The following COG6 variants were observed in gnomAD, a reference collection of about 807,000 sequenced individuals.
COG6 encodes the protein component of oligomeric golgi complex 6.
In COG6, 74 loss-of-function variants were observed where a neutral mutation model predicts 88.8. That is an observed-to-expected ratio of 0.83 (90% CI 0.69 to 1.01). The LOEUF is 1.01. Among genes scored for constraint, COG6 ranks in the 50% least tolerant of loss-of-function variants. The pLI is 0.00. For synonymous variants in COG6, 286 were observed against 278.7 expected (o/e 1.03, Z -0.26); for missense variants, 800 against 797.9 (o/e 1.00, Z -0.03).
At chr13:39,713,764 G>A (rs1032577230) in intron 13 of COG6, among the ~76,000 whole-genome samples, 1 of 151,970 alleles carries the variant, frequency 6.6e-6, no homozygotes, top group African/African-American at 2.4e-5. Flanking sequence ...ATATAGACTT[G>A]TCTCTTACAA....
chr13:39,781,860 A>G (rs887481579), intron 18 of COG6, among the ~76,000 whole-genome samples: 2 of 152,236 alleles, frequency 1.3e-5, no homozygotes, highest in Non-Finnish European at 2.9e-5. Flanking sequence ...GAAATAATCT[A>G]ACAAATGATT....
At chr13:39,760,877 T>A (rs1195446398) in intron 18 of COG6, among the ~76,000 whole-genome samples, 1 of 152,078 alleles carries the variant, frequency 6.6e-6, no homozygotes, top group Non-Finnish European at 1.5e-5. Flanking sequence ...TATTCATTCC[T>A]GCACCAACAA....
rs201922229 is a variant in COG6, at chr13:39,689,771, A to T, written c.1021A>T (p.Asn341Tyr). Residue 341 changes from asparagine to tyrosine, a missense_variant, in exon 11 of 19, where the codon AAT (asparagine) becomes TAT (tyrosine). Transcript: ENST00000455146. ...GTCATTAATTTTAGGTGTTGAAGAA[A>T]ATATTCAAGAAGTTGTTGGGCATAT... ...KHVTTQGVEE[N>Y]IQEVVGHITE... 1.9e-5 allele frequency: 30 copies of T among 1,608,238 alleles called. No homozygotes were observed. The African/African-American group carries it at 3.7e-4, about 20-fold the overall frequency.
intron 18 of COG6, among the ~76,000 whole-genome samples, chr13:39,740,096 A>G (rs1294110522): frequency 6.6e-6 from 1 of 152,220 alleles, no homozygotes; most frequent in Non-Finnish European, 1.5e-5. Flanking sequence ...TGAAAATTCT[A>G]AAAGATCTGA....
At position 39,655,794 on chromosome 13, in the gene COG6, G is replaced by T; in HGVS notation, c.68G>T (p.Gly23Val). ...ATGAANGLNN[G>V]AGGTSATTCN... is the part of the protein sequence containing the mutation. ...GGGGCTGCCAACGGCCTCAACAATG[G>T]GGCAGGCGGGACCTCGGCGACGACC... Residue 23 changes from glycine to valine, a missense_variant, in exon 1 of 19, where the codon GGG becomes GTG. Gly to Val is a moderately radical substitution (Grantham distance 109). Transcript: ENST00000455146. The T allele has an allele frequency of 6.3e-7, 1 of 1,598,422 alleles. No individual in the cohort carries two copies. The highest frequency in any genetic ancestry group is 1.1e-5 in the South Asian group (1 of 88,858).
intron 18 of COG6, among the ~76,000 whole-genome samples, chr13:39,743,834 C>T (rs1880185825): frequency 6.6e-6 from 1 of 152,102 alleles, no homozygotes; most frequent in Non-Finnish European, 1.5e-5. Context: ...CCCTGATGAA[C>T]ATCGATGCAA....
chr13:39,747,888 A>G (rs1481048160), intron 18 of COG6, among the ~76,000 whole-genome samples: 1 of 152,196 alleles, frequency 6.6e-6, no homozygotes, highest in Non-Finnish European at 1.5e-5. Flanking sequence ...CTACATTTAC[A>G]AGTTAAATAC....
chr13:39,776,092 TCTGA>T (rs1881455971), intron 18 of COG6, among the ~76,000 whole-genome samples: 1 of 152,128 alleles, frequency 6.6e-6, no homozygotes, highest in African/African-American at 2.4e-5. Context: ...TAGGCAAACT[TCTGA>T]TCAGCAAAAA....
intron 18 of COG6, among the ~76,000 whole-genome samples, chr13:39,778,521 G>A (rs1259806271): frequency 1.3e-5 from 2 of 152,228 alleles, no homozygotes; most frequent in African/African-American, 4.8e-5. Flanking sequence ...ATCAGGAGAG[G>A]ATATAGCAGT....
At chr13:39,770,744 GT>G (rs1295631197) in intron 18 of COG6, among the ~76,000 whole-genome samples, 2 of 152,190 alleles carry the variant, frequency 1.3e-5, no homozygotes, top group East Asian at 3.9e-4. Flanking sequence ...AAGAGGAATG[GT>G]GCAAGAATTA....
At chr13:39,749,953 A>G (rs1479909929) in intron 18 of COG6, among the ~76,000 whole-genome samples, 1 of 152,134 alleles carries the variant, frequency 6.6e-6, no homozygotes, top group Non-Finnish European at 1.5e-5. Context: ...TGGATTGAAT[A>G]TTGAAGAGAC....
chr13:39,656,025 C>G (rs533495870), intron 1 of COG6, 146 bp downstream of exon 1: 2 of 1,063,532 alleles, frequency 1.9e-6, no homozygotes, highest in African/African-American at 1.6e-5. Flanking sequence ...GGCTCCGCTG[C>G]TCTGCGGGCG....
chr13:39,679,457 C>T (rs1566176241), intron 5 of COG6, 81 bp from the exon 6 acceptor site: 1 of 802,558 alleles, frequency 1.2e-6, no homozygotes, highest in Non-Finnish European at 2.2e-6. Flanking sequence ...AGTTTGTTTG[C>T]CCTTGGTAGT....
intron 18 of COG6, among the ~76,000 whole-genome samples, chr13:39,746,794 A>G (rs1880374319): frequency 6.6e-6 from 1 of 152,220 alleles, no homozygotes; most frequent in Non-Finnish European, 1.5e-5. Context: ...ATAAAAATAT[A>G]GTAAACTGGC....
At chr13:39,674,535 C>T (rs1282088431) in intron 4 of COG6, among the ~76,000 whole-genome samples, 5 of 152,010 alleles carry the variant, frequency 3.3e-5, no homozygotes, top group Non-Finnish European at 7.4e-5. Context: ...AGGCAGTATA[C>T]GACTGGACAT....
At chr13:39,703,479 A>G (rs892038994) in intron 13 of COG6, among the ~76,000 whole-genome samples, 6 of 152,100 alleles carry the variant, frequency 3.9e-5, no homozygotes, top group African/African-American at 1.4e-4. Flanking sequence ...ACTCCATCAT[A>G]TATATTACAG....
chr13:39,733,070 C>CA (rs991124914), intron 18 of COG6, among the ~76,000 whole-genome samples: 9 of 134,474 alleles, frequency 6.7e-5, no homozygotes, highest in Admixed American at 2.3e-4. Flanking sequence ...AATGATCGAT[C>CA]AAAAAAAAAA....
At chr13:39,745,210 G>A (rs572355083) in intron 18 of COG6, among the ~76,000 whole-genome samples, 66 of 152,254 alleles carry the variant, frequency 4.3e-4, no homozygotes, top group African/African-American at 1.6e-3. Flanking sequence ...AACACCAAAA[G>A]CAATGGCAAC....
At chr13:39,657,355 G>A (rs975049855) in intron 1 of COG6, among the ~76,000 whole-genome samples, 1 of 152,108 alleles carries the variant, frequency 6.6e-6, no homozygotes, top group Non-Finnish European at 1.5e-5. Context: ...TTTACCATGA[G>A]GAAAATAAAG....
Sources: allele counts gnomAD v4.1 joint callset (sites outside exome capture counted in the v4.1 genomes callset), GRCh38; gene constraint gnomAD v4.1.1; transcripts MANE v1.5; gene names NCBI Gene and HGNC (gene_info 2026-07-23, HGNC 2026-07-21).